Variants in ABAT observed in about 807,000 individuals in gnomAD.
ABAT encodes the protein 4-aminobutyrate aminotransferase.
A neutral mutation model predicts 64.6 loss-of-function variants in ABAT; 45 were observed. The ratio of observed to expected loss-of-function variants is 0.70; its 90% confidence interval spans 0.55 to 0.89. The LOEUF is 0.89. ABAT is among the 40% of genes least tolerant of loss of function. The pLI is 0.00. For synonymous variants in ABAT, 297 were observed against 250.5 expected (o/e 1.19, Z -1.75); for missense variants, 633 against 658.4 (o/e 0.96, Z 0.42).
intron 1 of ABAT, among the ~76,000 whole-genome samples, chr16:8,681,515 G>C (rs996308661): frequency 6.7e-6 from 1 of 150,152 alleles, no homozygotes; most frequent in Admixed American, 6.6e-5. Flanking sequence ...GGAGTGCAGT[G>C]GCATGATCAT....
chr16:8,693,034 A>G (rs895845147), intron 1 of ABAT, among the ~76,000 whole-genome samples: 3 of 151,988 alleles, frequency 2.0e-5, no homozygotes, highest in Non-Finnish European at 4.4e-5. Context: ...TTGTATTTTT[A>G]GTAGAGAATG....
At chr16:8,769,540 C>T (rs1465429009) in intron 11 of ABAT, among the ~76,000 whole-genome samples, 8 of 117,468 alleles carry the variant, frequency 6.8e-5, no homozygotes, top group Admixed American at 3.8e-4. Flanking sequence ...GCCTGGGTAA[C>T]GGAGTGAGAC....
At chr16:8,744,470 C>A (rs1009440033) in intron 2 of ABAT, among the ~76,000 whole-genome samples, 1 of 151,754 alleles carries the variant, frequency 6.6e-6, no homozygotes, top group Non-Finnish European at 1.5e-5. Context: ...TGGGTTCAAG[C>A]GATTCTCATG....
intron 2 of ABAT, chr16:8,738,426 G>A (rs761167613): frequency 4.6e-5 from 21 of 455,634 alleles, no homozygotes; most frequent in Non-Finnish European, 8.4e-5. Flanking sequence ...TTCCTTTAAT[G>A]TCTTTTTCTG....
At chr16:8,733,686 C>T (rs1188646379) in intron 1 of ABAT, among the ~76,000 whole-genome samples, 9 of 151,870 alleles carry the variant, frequency 5.9e-5, no homozygotes, top group South Asian at 2.1e-4. Flanking sequence ...TCAGGCGTGG[C>T]GGCGTGAGGC....
chr16:8,710,731 G>A lies in ABAT; in HGVS notation c.-41-24968G>A, dbSNP rs1003332032. On this transcript the variant is annotated intron_variant, in intron 1 of 15. Transcript: ENST00000268251. The stretch of plus-strand genomic sequence containing the variant: ...GAGAGAGAGAGAGAGAGAGAGAGAG[G>A]AAATAGGCTCAGGAGCAAGCACCTT... Among the ~76,000 whole-genome samples the A allele has an allele frequency of 2.3e-3, 112 of 48,176 alleles. 2 individuals are homozygous for A. The highest frequency in any genetic ancestry group is 4.4e-3 in the African/African-American group (91 of 20,488). 31.6% of individuals were successfully genotyped at this position (48,176 alleles called of 152,430 possible). A position where few individuals can be genotyped will look rare whatever the true frequency, so the allele number is the denominator to read the frequency against.
chr16:8,770,873 T>C (rs540764902), intron 11 of ABAT, among the ~76,000 whole-genome samples: 3 of 152,228 alleles, frequency 2.0e-5, no homozygotes, highest in Non-Finnish European at 2.9e-5. Context: ...GATTTTTATA[T>C]TCCTTTTTAA....
At chr16:8,735,634 G>GGGATCTTT (rs528275734) in intron 1 of ABAT, 65 bp from the exon 2 acceptor site, 1 of 1,312,802 alleles carries the variant, frequency 7.6e-7, no homozygotes, top group Non-Finnish European at 1.1e-6. Context: ...TGGTGGGGAT[G>GGGATCTTT]GGATCTTTGG....
chr16:8,687,901 CTT>C (rs56028080), intron 1 of ABAT, among the ~76,000 whole-genome samples: 1 of 146,336 alleles, frequency 6.8e-6, no homozygotes, highest in African/African-American at 2.5e-5. Context: ...GTTGAATGCT[CTT>C]TTTTTTTTTT....
At chr16:8,738,956 T>C (rs1266656278) in intron 2 of ABAT, among the ~76,000 whole-genome samples, 3 of 152,182 alleles carry the variant, frequency 2.0e-5, no homozygotes, top group African/African-American at 7.2e-5. Flanking sequence ...AGGTTTTGCT[T>C]TATTTATTTA....
chr16:8,730,422 C>A (rs1037983004), intron 1 of ABAT, among the ~76,000 whole-genome samples: 4 of 152,180 alleles, frequency 2.6e-5, no homozygotes, highest in African/African-American at 7.2e-5. Flanking sequence ...GCCTGATTCT[C>A]CACACTATTC....
chr16:8,697,718 C>T (rs1596403723), intron 1 of ABAT, among the ~76,000 whole-genome samples: 3 of 152,186 alleles, frequency 2.0e-5, no homozygotes, highest in African/African-American at 7.2e-5. Flanking sequence ...TCACTGCAAC[C>T]TCCACCTCCC....
chr16:8,779,653 A>T, intron 15 of ABAT, 63 bp downstream of exon 15: 1 of 1,362,026 alleles, frequency 7.3e-7, no homozygotes, highest in Non-Finnish European at 1.0e-6. Flanking sequence ...TGTAGCTGCC[A>T]CATGTTGCTA....
chr16:8,765,314 T>A (rs542070654), intron 8 of ABAT, among the ~76,000 whole-genome samples: 1 of 143,888 alleles, frequency 6.9e-6, no homozygotes, highest in Non-Finnish European at 1.5e-5. Flanking sequence ...TCAGCCTGGG[T>A]GACAGAGTAA....
At chr16:8,694,924 CTG>C (rs952560877) in intron 1 of ABAT, among the ~76,000 whole-genome samples, 5 of 152,218 alleles carry the variant, frequency 3.3e-5, no homozygotes, top group African/African-American at 9.7e-5. Flanking sequence ...ACAGAGAACT[CTG>C]TGCTCCCGCC....
intron 12 of ABAT, 82 bp downstream of exon 12, chr16:8,772,999 T>C: frequency 6.3e-7 from 1 of 1,585,460 alleles, no homozygotes; most frequent in Non-Finnish European, 8.6e-7. Flanking sequence ...GCAGCACCTC[T>C]GCCTTGGAGC....
intron 4 of ABAT, among the ~76,000 whole-genome samples, chr16:8,749,853 A>C (rs976915116): frequency 2.6e-5 from 4 of 152,086 alleles, no homozygotes; most frequent in Non-Finnish European, 5.9e-5. Context: ...AGCTGGGATC[A>C]CAGGCGTGCA....
chr16:8,750,189 A>T (rs2059438590), intron 4 of ABAT, among the ~76,000 whole-genome samples: 1 of 142,036 alleles, frequency 7.0e-6, no homozygotes, highest in African/African-American at 2.6e-5. Flanking sequence ...TGATGTATAA[A>T]ACACATACAG....
chr16:8,759,352 A>G (rs142009244), intron 6 of ABAT, among the ~76,000 whole-genome samples: 21 of 147,112 alleles, frequency 1.4e-4, no homozygotes, highest in African/African-American at 5.1e-4. Context: ...CGTGCTTTAC[A>G]TGGAACAGAG....
Sources: gnomAD v4.1 joint callset for allele counts (sites outside exome capture counted in the v4.1 genomes callset) on GRCh38, gnomAD v4.1.1 for gene constraint, MANE v1.5 for transcripts, NCBI Gene and HGNC (gene_info 2026-07-23, HGNC 2026-07-21) for gene names.